The following PTPRD variants were observed in gnomAD, a reference collection of about 807,000 sequenced individuals.
PTPRD encodes the protein receptor-type tyrosine-protein phosphatase delta.
Under a neutral mutation model 214.5 loss-of-function variants are expected in PTPRD, and 34 were observed. The observed-to-expected ratio is 0.16, with a 90% confidence interval of 0.12 to 0.21. The LOEUF is 0.21. Ranked by LOEUF, PTPRD falls within the 10% of genes least tolerant of loss-of-function variation. PTPRD has a pLI of 1.00. For missense variants in PTPRD, 2,545 were observed against 2,398.7 expected (o/e 1.06, Z -1.27); for synonymous variants, 1,128 against 845.7 (o/e 1.33, Z -5.79).
chr9:10,397,196 G>T (rs1310374511), intron 2 of PTPRD, among the ~76,000 whole-genome samples: 1 of 152,004 alleles, frequency 6.6e-6, no homozygotes, highest in Non-Finnish European at 1.5e-5. Context: ...GAACGTTCTT[G>T]CATTTGCACA....
intron 11 of PTPRD, among the ~76,000 whole-genome samples, chr9:8,943,508 A>G (rs941960761): frequency 6.6e-6 from 1 of 151,822 alleles, no homozygotes; most frequent in African/African-American, 2.4e-5. Context: ...AACGGTGCCA[A>G]GAACATACAC....
At chr9:9,616,453 C>CCAAATACATAAAGTTGTTCAAATT (rs1564079937) in intron 7 of PTPRD, among the ~76,000 whole-genome samples, 1 of 152,042 alleles carries the variant, frequency 6.6e-6, no homozygotes. Flanking sequence ...ACCCCACTTT[C>CCAAATACATAAAGTTGTTCAAATT]CAAATACATA....
intron 5 of PTPRD, among the ~76,000 whole-genome samples, chr9:9,918,747 A>C (rs2081682901): frequency 6.6e-6 from 1 of 152,118 alleles, no homozygotes; most frequent in Non-Finnish European, 1.5e-5. Flanking sequence ...AAATTAATCC[A>C]CGTATCTATA....
chr9:8,764,752 C>T (rs983125547), intron 11 of PTPRD, among the ~76,000 whole-genome samples: 1 of 151,168 alleles, frequency 6.6e-6, no homozygotes, highest in Non-Finnish European at 1.5e-5. Flanking sequence ...CCGAGATTGC[C>T]CCATTGCACT....
chr9:9,026,961 A>T (rs72692867), intron 10 of PTPRD, among the ~76,000 whole-genome samples: 5,042 of 151,430 alleles, frequency 0.033, 100 homozygotes, highest in Middle Eastern at 0.092. Flanking sequence ...TCTTAAACTT[A>T]CTTTTGTCTG....
intron 11 of PTPRD, among the ~76,000 whole-genome samples, chr9:8,838,627 A>C (rs1479126931): frequency 6.6e-6 from 1 of 151,774 alleles, no homozygotes; most frequent in Non-Finnish European, 1.5e-5. Context: ...TTTTTTTTTT[A>C]CATTCTATGT....
chr9:9,827,025 C>T (rs1364370664), intron 5 of PTPRD, among the ~76,000 whole-genome samples: 18 of 152,116 alleles, frequency 1.2e-4, no homozygotes, highest in Non-Finnish European at 5.9e-5. Context: ...AATGGAAGAA[C>T]ATTCCATGCT....
Position 9,236,620 on chromosome 9 carries a change from G to T in PTPRD, c.-202-53257C>A, listed in dbSNP as rs139658155. ...TAGCTAAAGAATGAATTATTTGTTT[G>T]AATTCATTTGAATTATGACTTTTGG... On this transcript the variant is annotated intron_variant, in intron 9 of 45. Transcript: ENST00000381196. Among the ~76,000 whole-genome samples, 62 of 114,482 alleles carry T rather than the reference G, an allele frequency of 5.4e-4. 1 individual carries two copies. Among genetic ancestry groups the T allele is most frequent in the Non-Finnish European group, 9.2e-4 (50 of 54,520 alleles). The allele number at this position is 114,482 out of a possible 152,430, so 75.1% of individuals were successfully genotyped here. A position where few individuals can be genotyped will look rare whatever the true frequency, so the allele number is the denominator to read the frequency against.
intron 8 of PTPRD, among the ~76,000 whole-genome samples, chr9:9,418,744 G>A (rs1224621419): frequency 1.3e-5 from 2 of 151,878 alleles, no homozygotes; most frequent in Non-Finnish European, 2.9e-5. Flanking sequence ...ATTAGACATA[G>A]TCTTTGCTCT....
chr9:8,870,952 AT>A (rs1188509508), intron 11 of PTPRD, among the ~76,000 whole-genome samples: 1 of 152,152 alleles, frequency 6.6e-6, no homozygotes, highest in African/African-American at 2.4e-5. Flanking sequence ...GAAAGGCTTT[AT>A]GCCTTTTATT....
chr9:10,570,541 G>C (rs1180182304), intron 2 of PTPRD, among the ~76,000 whole-genome samples: 1 of 151,954 alleles, frequency 6.6e-6, no homozygotes, highest in African/African-American at 2.4e-5. Flanking sequence ...GAAGAACTTA[G>C]ATCAGGTTCT....
Position 10,282,917 on chromosome 9 carries a change from C to T in PTPRD, c.-545+58046G>A, listed in dbSNP as rs144798394. ...AAGTCCCTCACCAAAACTCTATTCT[C>T]TCATTTCTATCTGTCTATCACATAG... On this transcript the variant is annotated intron_variant, in intron 3 of 45. Transcript: ENST00000381196. Among the ~76,000 whole-genome samples the T allele has an allele frequency of 3.4e-3, 522 of 152,224 alleles. 5 individuals are homozygous for T. Among genetic ancestry groups the T allele is most frequent in the African/African-American group, 0.012 (489 of 41,550 alleles).
chr9:9,796,155 T>G (rs1022696741), intron 5 of PTPRD, among the ~76,000 whole-genome samples: 1 of 152,108 alleles, frequency 6.6e-6, no homozygotes, highest in Non-Finnish European at 1.5e-5. Context: ...GATCCCCAAA[T>G]GGATACTAAG....
At chr9:9,545,171 T>G (rs2078486567) in intron 8 of PTPRD, among the ~76,000 whole-genome samples, 1 of 151,768 alleles carries the variant, frequency 6.6e-6, no homozygotes, top group Non-Finnish European at 1.5e-5. Context: ...TTTGTTTACC[T>G]TAGGGTTCAC....
chr9:9,579,331 G>T (rs542905521), intron 7 of PTPRD, among the ~76,000 whole-genome samples: 1 of 152,250 alleles, frequency 6.6e-6, no homozygotes, highest in East Asian at 1.9e-4. Flanking sequence ...GGTATTATGA[G>T]CATCTATGTT....
intron 3 of PTPRD, among the ~76,000 whole-genome samples, chr9:10,082,040 T>G (rs2098246904): frequency 6.6e-6 from 1 of 152,070 alleles, no homozygotes; most frequent in African/African-American, 2.4e-5. Context: ...CTCATTAAAA[T>G]ATCAACAATA....
At chr9:9,103,614 AG>A (rs1302930769) in intron 10 of PTPRD, among the ~76,000 whole-genome samples, 3 of 152,022 alleles carry the variant, frequency 2.0e-5, no homozygotes, top group African/African-American at 7.3e-5. Context: ...TGCTTCCATA[AG>A]AAAAAAAAAA....
intron 39 of PTPRD, among the ~76,000 whole-genome samples, chr9:8,351,336 G>C (rs1407654732): frequency 6.6e-6 from 1 of 151,864 alleles, no homozygotes; most frequent in African/African-American, 2.4e-5. Flanking sequence ...AATCAGAATA[G>C]TTCTGAGAAG....
intron 36 of PTPRD, among the ~76,000 whole-genome samples, chr9:8,401,449 G>T (rs2092377603): frequency 6.6e-6 from 1 of 152,010 alleles, no homozygotes. Context: ...AATGGTAATT[G>T]GATTTGTCAA....
Sources: gnomAD v4.1 joint callset for allele counts (sites outside exome capture counted in the v4.1 genomes callset) on GRCh38, gnomAD v4.1.1 for gene constraint, MANE v1.5 for transcripts, NCBI Gene and HGNC (gene_info 2026-07-23, HGNC 2026-07-21) for gene names.